The following DPYD variants were observed in gnomAD, a reference collection of about 807,000 sequenced individuals.
DPYD encodes dihydropyrimidine dehydrogenase.
DPYD carries 109 observed loss-of-function variants against 116.2 expected under a neutral mutation model. The observed-to-expected ratio is 0.94, with a 90% confidence interval of 0.80 to 1.10. DPYD has a LOEUF of 1.10. Among genes scored for constraint, DPYD ranks in the 50% least tolerant of loss-of-function variants. DPYD has a pLI of 0.00. For missense variants in DPYD, 1,302 were observed against 1,254.5 expected (o/e 1.04, Z -0.57); for synonymous variants, 440 against 432.0 (o/e 1.02, Z -0.23).
At chr1:97,671,093 A>G (rs1247113209) in intron 8 of DPYD, among the ~76,000 whole-genome samples, 2 of 152,076 alleles carry the variant, frequency 1.3e-5, no homozygotes, top group Non-Finnish European at 2.9e-5. Context: ...AAATAAAAAG[A>G]ATATAAGCTG....
intron 3 of DPYD, among the ~76,000 whole-genome samples, chr1:97,778,110 G>T (rs564810489): frequency 1.9e-4 from 26 of 138,516 alleles, no homozygotes; most frequent in African/African-American, 6.5e-4. Flanking sequence ...GTGAGTCAAG[G>T]CTCCGCCACT....
At chr1:97,512,426 G>A in intron 13 of DPYD, among the ~76,000 whole-genome samples, 1 of 151,792 alleles carries the variant, frequency 6.6e-6, no homozygotes, top group East Asian at 1.9e-4. Flanking sequence ...GAAGTGAACT[G>A]TTGCTTGGGT....
intron 16 of DPYD, among the ~76,000 whole-genome samples, chr1:97,315,436 G>A (rs2101074118): frequency 6.6e-6 from 1 of 151,978 alleles, no homozygotes; most frequent in South Asian, 2.1e-4. Context: ...CTGTATCAGG[G>A]TCCAATGGCT....
intron 2 of DPYD, among the ~76,000 whole-genome samples, chr1:97,832,131 G>A (rs537539195): frequency 6.6e-6 from 1 of 150,534 alleles, no homozygotes; most frequent in African/African-American, 2.4e-5. Flanking sequence ...GTGACTCTGG[G>A]TTAGGTACTT....
intron 19 of DPYD, among the ~76,000 whole-genome samples, chr1:97,194,793 G>A (rs1658632509): frequency 6.6e-6 from 1 of 152,094 alleles, no homozygotes; most frequent in Non-Finnish European, 1.5e-5. Flanking sequence ...GTGACCCACT[G>A]TGCCCGGCCT....
intron 12 of DPYD, among the ~76,000 whole-genome samples, chr1:97,537,166 T>C (rs1650062000): frequency 6.6e-6 from 1 of 152,228 alleles, no homozygotes; most frequent in Admixed American, 6.5e-5. Context: ...CTAAAATCCC[T>C]GACTGTCATA....
chr1:97,807,494 C>A (rs1284135356), intron 3 of DPYD, among the ~76,000 whole-genome samples: 1 of 151,896 alleles, frequency 6.6e-6, no homozygotes, highest in African/African-American at 2.4e-5. Flanking sequence ...AGGTTATTTT[C>A]TTATTGTTGG....
chr1:97,224,282 T>G (rs1660969707), intron 19 of DPYD, among the ~76,000 whole-genome samples: 1 of 152,058 alleles, frequency 6.6e-6, no homozygotes, highest in African/African-American at 2.4e-5. Flanking sequence ...ATAGTCATTT[T>G]CACTCCAAAG....
chr1:97,577,012 A>C (rs138608951), intron 10 of DPYD, among the ~76,000 whole-genome samples: 2 of 152,368 alleles, frequency 1.3e-5, no homozygotes, highest in East Asian at 1.9e-4. Flanking sequence ...ATTTGTTTGG[A>C]AAGTATTAAT....
intron 8 of DPYD, among the ~76,000 whole-genome samples, chr1:97,664,647 C>CA (rs1286074335): frequency 1.3e-5 from 2 of 151,870 alleles, no homozygotes; most frequent in Non-Finnish European, 2.9e-5. Context: ...CTTAGTAGTC[C>CA]AAAACCTTTA....
chr1:97,110,979 G>A (rs149341210), intron 20 of DPYD, among the ~76,000 whole-genome samples: 234 of 151,356 alleles, frequency 1.5e-3, no homozygotes, highest in African/African-American at 4.9e-3. Context: ...ACCAGCCTGG[G>A]CAACATAGAG....
intron 12 of DPYD, among the ~76,000 whole-genome samples, chr1:97,544,757 T>C (rs1650702489): frequency 1.3e-5 from 2 of 151,926 alleles, no homozygotes; most frequent in Admixed American, 1.3e-4. Flanking sequence ...TTAAGCATTG[T>C]TTATTCATTT....
intron 16 of DPYD, among the ~76,000 whole-genome samples, chr1:97,330,543 T>C (rs1668933237): frequency 1.3e-5 from 2 of 152,186 alleles, no homozygotes; most frequent in South Asian, 4.1e-4. Flanking sequence ...GCTACTTTTC[T>C]CATGAAGTTT....
intron 8 of DPYD, among the ~76,000 whole-genome samples, chr1:97,600,397 ACTTCCCCCT>A (rs1418339908): frequency 1.3e-5 from 2 of 152,180 alleles, no homozygotes; most frequent in African/African-American, 4.8e-5. Flanking sequence ...AACCAGGCTA[ACTTCCCCCT>A]CTGTCTTAGT....
chr1:97,796,686 A>T (rs533401096), intron 3 of DPYD, among the ~76,000 whole-genome samples: 96 of 152,252 alleles, frequency 6.3e-4, no homozygotes, highest in Admixed American at 2.5e-3. Flanking sequence ...GAGAAGAGAG[A>T]ACAAACATCC....
intron 13 of DPYD, among the ~76,000 whole-genome samples, chr1:97,488,391 TGATAAAACTG>T (rs1678772507): frequency 6.6e-6 from 1 of 152,114 alleles, no homozygotes; most frequent in Non-Finnish European, 1.5e-5. Context: ...AACCTACACT[TGATAAAACTG>T]CATATAATTA....
intron 19 of DPYD, among the ~76,000 whole-genome samples, chr1:97,225,125 G>A (rs994247392): frequency 5.3e-5 from 8 of 151,868 alleles, no homozygotes; most frequent in African/African-American, 1.7e-4. Flanking sequence ...AAGAAGGATC[G>A]CTAGGTCACA....
At chr1:97,137,664 T>G (rs1653915539) in intron 20 of DPYD, among the ~76,000 whole-genome samples, 1 of 152,182 alleles carries the variant, frequency 6.6e-6, no homozygotes, top group Non-Finnish European at 1.5e-5. Context: ...AGCACTGTCT[T>G]TTTTATCCTT....
chr1:97,401,788 T>A (rs1377103235), intron 14 of DPYD, among the ~76,000 whole-genome samples: 1 of 152,160 alleles, frequency 6.6e-6, no homozygotes, highest in Non-Finnish European at 1.5e-5. Flanking sequence ...AGATGTATGA[T>A]CCATTTAGAG....
Sources: allele counts gnomAD v4.1 joint callset (sites outside exome capture counted in the v4.1 genomes callset), GRCh38; gene constraint gnomAD v4.1.1; transcripts MANE v1.5; gene names NCBI Gene and HGNC (gene_info 2026-07-23, HGNC 2026-07-21).